USP35: variants seen among roughly 807,000 people sequenced by gnomAD.
The protein encoded by USP35 is ubiquitin carboxyl-terminal hydrolase 35.
In USP35, 69 loss-of-function variants were observed where a neutral mutation model predicts 83.8. That is an observed-to-expected ratio of 0.82 (90% confidence interval 0.68 to 1.01). USP35 has a LOEUF of 1.01. Ranked by LOEUF, USP35 falls within the 50% of genes least tolerant of loss-of-function variation. The pLI is 0.00. For synonymous variants in USP35, 714 were observed against 589.5 expected (o/e 1.21, Z -3.06); for missense variants, 1,503 against 1,362.5 (o/e 1.10, Z -1.62).
chr11:78,225,493 C>T, the USP35 span, among the ~76,000 whole-genome samples: 1 of 152,234 alleles, frequency 6.6e-6, no homozygotes, highest in Non-Finnish European at 1.5e-5. Flanking sequence ...GTCCTGCTCA[C>T]CCCAGCCATC....
At position 78,209,919 on chromosome 11, in the gene USP35, G is replaced by C. The variant is rs772641055; in HGVS notation, c.2064G>C (p.Thr688=). Residue 688 remains threonine (T), a synonymous_variant, in exon 10 of 11, where the codon ACG becomes ACC. Transcript: ENST00000529308. Reference sequence around the variant, plus strand: ...AGGAAGAAGGGAAGGAGGAGAGAACGGAGAAGGAAGAAGTGGGGGAGGAGG... The same window carrying C: ...AGGAAGAAGGGAAGGAGGAGAGAACCGAGAAGGAAGAAGTGGGGGAGGAGG... The part of the protein sequence containing the change: ...EREEEGKEER[T]EKEEVGEEEE... 75 of 1,601,264 alleles carry C rather than the reference G, an allele frequency of 4.7e-5. No individual in the cohort carries two copies. The Admixed American group carries it at 7.8e-4, about 17-fold the overall frequency.
intron 10 of USP35, among the ~76,000 whole-genome samples, chr11:78,211,129 G>C (rs890603540): frequency 1.0e-4 from 15 of 150,550 alleles, no homozygotes; most frequent in African/African-American, 3.7e-4. Flanking sequence ...GTGGGTGTTG[G>C]TCCCCTCCCA....
chr11:78,235,556 C>T, the USP35 span, among the ~76,000 whole-genome samples: 1 of 152,310 alleles, frequency 6.6e-6, no homozygotes, highest in Non-Finnish European at 1.5e-5. Flanking sequence ...CAAGTCACCT[C>T]TTGAATGCTT....
intron 1 of USP35, among the ~76,000 whole-genome samples, chr11:78,195,071 C>T (rs933001487): frequency 6.6e-5 from 10 of 152,032 alleles, no homozygotes; most frequent in Admixed American, 3.9e-4. Context: ...GGTGACAGGC[C>T]GGTGTGGGCT....
At chr11:78,213,057 C>T (rs745635709) in intron 10 of USP35, among the ~76,000 whole-genome samples, 9 of 152,128 alleles carry the variant, frequency 5.9e-5, no homozygotes, top group South Asian at 2.1e-4. Context: ...GTGTTTTGTG[C>T]GGGGGAATAC....
At position 78,214,870 on chromosome 11, in the gene USP35, G is replaced by C. The variant is rs1490772287; in HGVS notation, c.*1057G>C. Among the ~76,000 whole-genome samples the C allele has an allele frequency of 7.1e-6, 1 of 139,958 alleles. No homozygotes were observed. The highest frequency in any genetic ancestry group is 1.5e-5 in the Non-Finnish European group (1 of 66,290). 91.8% of individuals were successfully genotyped at this position (139,958 alleles called of 152,430 possible). The stretch of plus-strand genomic sequence containing the variant: ...CTACTGAAGTGGGGTGTAAGTAAAC[G>C]TGTGGACTGACTGACTTACTTACCT... On this transcript the variant is annotated 3_prime_UTR_variant, in exon 11 of 11. Transcript: ENST00000529308.
At position 78,199,612 on chromosome 11, in the gene USP35, C is replaced by T; in HGVS notation, c.824C>T (p.Ser275Phe). 6.2e-7 allele frequency: 1 copy of T among 1,614,166 alleles called. No homozygotes were observed. The highest frequency in any genetic ancestry group is 1.1e-5 in the South Asian group (1 of 91,078). Reference protein sequence around the residue: ...TAISRMIDWVSWPLGKNIDKW... With the variant: ...TAISRMIDWVFWPLGKNIDKW... ...CTCACCAGGATGATTGACTGGGTGT[C>T]CTGGCCCCTGGGGAAGAATATTGAC... Residue 275 changes from serine (S) to phenylalanine (F), a missense_variant, in exon 4 of 11, where the codon TCC (serine) becomes TTC (phenylalanine). Physicochemically the swap from Ser to Phe is radical, Grantham distance 155 (BLOSUM62 -2). Coordinates refer to ENST00000529308, the MANE Select transcript of USP35 (RefSeq NM_020798.4).
rs76652398 is a variant in USP35 at position 78,215,041 on chromosome 11, C to T, written c.*1228C>T. Among the ~76,000 whole-genome samples, 2 of 152,152 alleles carry T rather than the reference C, an allele frequency of 1.3e-5. No homozygotes were observed. Among genetic ancestry groups the T allele is most frequent in the African/African-American group, 4.8e-5 (2 of 41,414 alleles). ...AATGTCACAGACCCTCAAGATGTCA[C>T]ATCTAAGTGACCTGTGAAAGCAGCA... On this transcript the variant is annotated 3_prime_UTR_variant, in exon 11 of 11. Transcript: ENST00000529308.
downstream of USP35, chr11:78,216,928 G>C (rs1864178138): frequency 6.6e-6 from 1 of 152,268 alleles, no homozygotes; most frequent in Non-Finnish European, 1.5e-5. Flanking sequence ...TCACTTATTG[G>C]AACACCAAGG....
chr11:78,222,492 C>T, the USP35 span, among the ~76,000 whole-genome samples: 1 of 149,598 alleles, frequency 6.7e-6, no homozygotes, highest in East Asian at 1.9e-4. Flanking sequence ...CAATTTATGA[C>T]TTCATTTAAA....
chr11:78,228,958 A>AT, the USP35 span, among the ~76,000 whole-genome samples: 1 of 152,004 alleles, frequency 6.6e-6, no homozygotes, highest in African/African-American at 2.4e-5. Context: ...GGATTTGTTC[A>AT]TTTTACATTT....
chr11:78,230,290 G>T, the USP35 span, among the ~76,000 whole-genome samples: 1 of 152,148 alleles, frequency 6.6e-6, no homozygotes, highest in African/African-American at 2.4e-5. Flanking sequence ...GCATCCTCCT[G>T]TCTCGCTCAC....
chr11:78,214,005 G>C lies in USP35; in HGVS notation c.*192G>C, dbSNP rs1863936975. 3.3e-6 allele frequency: 2 copies of C among 602,784 alleles called. No homozygotes were observed. The highest frequency in any genetic ancestry group is 5.1e-6 in the Non-Finnish European group (2 of 388,966). 37.3% of individuals were successfully genotyped at this position (602,784 alleles called of 1,614,324 possible). ...CCTAAGTCCCTTTCATTGGGGATCA[G>C]TCCCATTAAAACTTTACACCCAAGT... On this transcript the variant is annotated 3_prime_UTR_variant, in exon 11 of 11. Transcript: ENST00000529308.
chr11:78,197,954 G>A lies in USP35; in HGVS notation c.692G>A (p.Ser231Asn). Residue 231 changes from serine (S) to asparagine (N), a missense_variant, in exon 3 of 11, where the codon AGC becomes AAC. By Grantham distance (46) the Ser-to-Asn change is conservative. Coordinates refer to ENST00000529308, the MANE Select transcript of USP35 (RefSeq NM_020798.4). ...ISCAEEEPPSSALASVVQHLP... is the reference protein window; with the variant it reads ...ISCAEEEPPSNALASVVQHLP... ...GTTCCAGAGGAGGAGCCACCATCTA[G>A]CGCCCTGGCCAGCGTGGTCCAGCAC... The A allele has an allele frequency of 6.2e-7, 1 of 1,614,184 alleles. No individual in the cohort carries two copies. The highest frequency in any genetic ancestry group is 8.5e-7 in the Non-Finnish European group (1 of 1,180,018).
At chr11:78,201,667 T>C (rs1590904471) in intron 6 of USP35, among the ~76,000 whole-genome samples, 2 of 152,158 alleles carry the variant, frequency 1.3e-5, no homozygotes, top group Admixed American at 6.5e-5. Context: ...ACTGCTACAC[T>C]TGAGATTATT....
At chr11:78,207,675 C>A (rs1365318983) in intron 8 of USP35, 52 bp downstream of exon 8, 11 of 1,553,712 alleles carry the variant, frequency 7.1e-6, no homozygotes, top group South Asian at 4.5e-5. Flanking sequence ...TGGTCAGGCC[C>A]CGACATGGAC....
the USP35 span, chr11:78,220,300 C>A: frequency 1.3e-4 from 214 of 1,611,216 alleles, 1 homozygote; most frequent in Middle Eastern, 4.3e-4. Flanking sequence ...TACTGCCCCC[C>A]CAACTCTACT....
chr11:78,235,587 C>T, the USP35 span, among the ~76,000 whole-genome samples: 2,416 of 152,250 alleles, frequency 0.016, 79 homozygotes, highest in African/African-American at 0.056. Context: ...AAATTTCTTC[C>T]GCCAGATACC....
Position 78,213,980 on chromosome 11 carries a change from CCT to C in USP35, c.*168_*169del. 1.4e-6 allele frequency: 1 copy of C among 710,710 alleles called. No homozygotes were observed. Among genetic ancestry groups the C allele is most frequent in the Non-Finnish European group, 2.1e-6 (1 of 481,680 alleles). 44.0% of individuals were successfully genotyped at this position (710,710 alleles called of 1,614,324 possible). A position where few individuals can be genotyped will look rare whatever the true frequency, so the allele number is the denominator to read the frequency against. On this transcript the variant is annotated 3_prime_UTR_variant, in exon 11 of 11. Coordinates refer to ENST00000529308, the MANE Select transcript of USP35 (RefSeq NM_020798.4). ...GATTCTCTCAGATATGGAAGTAAGA[CCT>C]AAGTCCCTTTCATTGGGGATCAGTC...
Sources: gnomAD v4.1 joint callset for allele counts (sites outside exome capture counted in the v4.1 genomes callset) on GRCh38, gnomAD v4.1.1 for gene constraint, MANE v1.5 for transcripts, NCBI Gene and HGNC (gene_info 2026-07-23, HGNC 2026-07-21) for gene names.